LAMA2: variants seen among roughly 807,000 people sequenced by gnomAD.
LAMA2 encodes laminin subunit alpha-2.
LAMA2 carries 269 observed loss-of-function variants against 364.8 expected under a neutral mutation model. The observed-to-expected ratio is 0.74, with a 90% CI of 0.67 to 0.82. The LOEUF (loss-of-function observed/expected upper bound fraction) is 0.82, where lower values mean the gene tolerates loss of function less well. Among genes scored for constraint, LAMA2 ranks in the 40% least tolerant of loss-of-function variants. LAMA2 has a pLI of 0.00. For missense variants in LAMA2, 3,807 were observed against 3,873.2 expected (o/e 0.98, Z 0.45); for synonymous variants, 1,379 against 1,370.6 (o/e 1.01, Z -0.14).
At chr6:129,438,074 C>T (rs1406508205) in intron 41 of LAMA2, among the ~76,000 whole-genome samples, 1 of 151,462 alleles carries the variant, frequency 6.6e-6, no homozygotes, top group African/African-American at 2.4e-5. Flanking sequence ...ATTTATTGGA[C>T]CCAATTTGTA....
intron 40 of LAMA2, among the ~76,000 whole-genome samples, chr6:129,412,878 C>T (rs560471617): frequency 6.6e-6 from 1 of 152,162 alleles, no homozygotes; most frequent in African/African-American, 2.4e-5. Flanking sequence ...TAGCCGTGTG[C>T]CCCAAGCTAA....
intron 9 of LAMA2, among the ~76,000 whole-genome samples, chr6:129,167,476 A>G (rs1395786395): frequency 1.3e-4 from 20 of 151,828 alleles, no homozygotes; most frequent in African/African-American, 4.8e-4. Flanking sequence ...CCATGTCCCT[A>G]CAAAGGACAT....
chr6:129,136,946 T>C (rs1318847775), intron 4 of LAMA2, among the ~76,000 whole-genome samples: 1 of 152,178 alleles, frequency 6.6e-6, no homozygotes, highest in Non-Finnish European at 1.5e-5. Flanking sequence ...TCAGTTATTA[T>C]GGGTTACAGG....
intron 10 of LAMA2, among the ~76,000 whole-genome samples, chr6:129,182,706 G>T (rs550233648): frequency 2.0e-5 from 3 of 151,430 alleles, no homozygotes; most frequent in Non-Finnish European, 4.4e-5. Context: ...ACACTTGTAG[G>T]GTAAGTACTA....
chr6:128,963,845 T>C (rs9492160), intron 1 of LAMA2, among the ~76,000 whole-genome samples: 19,373 of 151,986 alleles, frequency 0.13, 1,532 homozygotes, highest in African/African-American at 0.23. Context: ...CACTGAGAAA[T>C]TAATCATCTG....
intron 1 of LAMA2, among the ~76,000 whole-genome samples, chr6:128,995,400 C>T (rs554171174): frequency 6.6e-6 from 1 of 152,346 alleles, no homozygotes; most frequent in African/African-American, 2.4e-5. Context: ...CGGCTCACTG[C>T]AACCTCCACC....
intron 3 of LAMA2, among the ~76,000 whole-genome samples, chr6:129,083,794 G>A (rs1223269619): frequency 2.0e-5 from 3 of 152,130 alleles, no homozygotes; most frequent in African/African-American, 7.2e-5. Context: ...ACCTGGAATA[G>A]GTGAAAATAT....
At chr6:129,185,010 A>C (rs1024800282) in intron 10 of LAMA2, among the ~76,000 whole-genome samples, 1 of 151,928 alleles carries the variant, frequency 6.6e-6, no homozygotes, top group African/African-American at 2.4e-5. Context: ...AACTTATTTT[A>C]ATACTAGGAT....
chr6:129,342,214 TGTGA>T, intron 29 of LAMA2, 125 bp from the exon 30 acceptor site: 3 of 738,680 alleles, frequency 4.1e-6, no homozygotes, highest in Middle Eastern at 3.5e-4. Flanking sequence ...AAAGTGTGTG[TGTGA>T]GTGTGTGTGT....
chr6:129,414,141 C>G (rs1349886944), intron 40 of LAMA2, among the ~76,000 whole-genome samples: 7 of 152,056 alleles, frequency 4.6e-5, no homozygotes, highest in South Asian at 2.1e-4. Context: ...GTGAAGTAAA[C>G]AGTAAGTTTA....
At chr6:129,024,294 C>G (rs964977448) in intron 1 of LAMA2, among the ~76,000 whole-genome samples, 4 of 150,944 alleles carry the variant, frequency 2.6e-5, no homozygotes, top group African/African-American at 9.7e-5. Flanking sequence ...ATGATAGACT[C>G]AATTCTTAAT....
intron 12 of LAMA2, among the ~76,000 whole-genome samples, chr6:129,198,260 A>G (rs1373644041): frequency 6.6e-6 from 1 of 151,736 alleles, no homozygotes; most frequent in Non-Finnish European, 1.5e-5. Flanking sequence ...TATTATTAAT[A>G]TTTAGCTTAC....
At chr6:129,434,202 G>A (rs760524474) in intron 41 of LAMA2, among the ~76,000 whole-genome samples, 2 of 152,148 alleles carry the variant, frequency 1.3e-5, no homozygotes, top group South Asian at 2.1e-4. Flanking sequence ...TCTGCCCTGC[G>A]ATTTTTATTC....
intron 53 of LAMA2, among the ~76,000 whole-genome samples, chr6:129,478,195 T>G (rs965986976): frequency 4.6e-5 from 7 of 152,122 alleles, no homozygotes; most frequent in Non-Finnish European, 8.8e-5. Flanking sequence ...ATATGTAATA[T>G]TATCTTATTT....
intron 34 of LAMA2, among the ~76,000 whole-genome samples, chr6:129,382,231 A>C (rs1355419675): frequency 1.3e-5 from 2 of 152,230 alleles, no homozygotes; most frequent in Non-Finnish European, 2.9e-5. Flanking sequence ...AAAGAGAAGA[A>C]GGCTTATATA....
intron 45 of LAMA2, among the ~76,000 whole-genome samples, chr6:129,451,159 T>C (rs965087423): frequency 1.3e-5 from 2 of 152,222 alleles, no homozygotes; most frequent in African/African-American, 4.8e-5. Context: ...TCATCTGCTT[T>C]GCCATATTAA....
chr6:129,366,309 C>T lies in LAMA2; in HGVS notation c.4808C>T (p.Pro1603Leu), dbSNP rs1279555141. Residue 1603 changes from proline (P) to leucine (L), a missense_variant, in exon 33 of 65, where the codon CCT becomes CTT. By Grantham distance (98) the Pro-to-Leu change is moderately conservative (BLOSUM62 -3). Around this residue, in one of 3 missense-constraint regions of LAMA2, gnomAD observed 3,333 missense variants for 3,345.7 expected, o/e 1.00. Transcript: ENST00000421865. ...VMSINLTGPL[P>L]APYKMLYGLE... is the part of the protein sequence containing the mutation. ...AGCATCAACCTCACTGGTCCGCTGCCTGCGCCATATAAAATGCTGTATGGT... is the reference window on the plus strand; with the variant it reads ...AGCATCAACCTCACTGGTCCGCTGCTTGCGCCATATAAAATGCTGTATGGT... 6.2e-7 allele frequency: 1 copy of T among 1,613,822 alleles called. No homozygotes were observed. Among genetic ancestry groups the T allele is most frequent in the African/African-American group, 1.3e-5 (1 of 74,928 alleles).
chr6:129,019,000 C>T (rs1785249587), intron 1 of LAMA2, among the ~76,000 whole-genome samples: 1 of 152,082 alleles, frequency 6.6e-6, no homozygotes, highest in Non-Finnish European at 1.5e-5. Context: ...TCTGACTTTT[C>T]TTTAGAGTTC....
chr6:129,301,376 G>C (rs1001541366), intron 22 of LAMA2, among the ~76,000 whole-genome samples: 3 of 152,094 alleles, frequency 2.0e-5, no homozygotes, highest in African/African-American at 7.2e-5. Flanking sequence ...TGTTCAGAGA[G>C]ATCTATCTAG....
Sources: gnomAD v4.1 joint callset for allele counts (sites outside exome capture counted in the v4.1 genomes callset) on GRCh38, gnomAD v4.1.1 for gene constraint, gnomAD v4.1.1 regional missense constraint, MANE v1.5 for transcripts, NCBI Gene and HGNC (gene_info 2026-07-23, HGNC 2026-07-21) for gene names.